NUMB: variants seen among roughly 807,000 people sequenced by gnomAD.
NUMB encodes NUMB endocytic adaptor protein.
A neutral mutation model predicts 59.7 loss-of-function variants in NUMB; 29 were observed. The ratio of observed to expected loss-of-function variants is 0.49; its 90% confidence interval spans 0.36 to 0.66. The LOEUF (loss-of-function observed/expected upper bound fraction) is 0.66, where lower values mean the gene tolerates loss of function less well. Among genes scored for constraint, NUMB ranks in the 30% least tolerant of loss-of-function variants. NUMB has a pLI of 0.00. For missense variants in NUMB, 723 were observed against 822.0 expected, an observed-to-expected ratio of 0.88 and a Z score of 1.47; for synonymous variants, 288 against 288.2, an observed-to-expected ratio of 1.00 and a Z score of 0.01.
intron 2 of NUMB, among the ~76,000 whole-genome samples, chr14:73,402,586 TATA>T (rs1292866886): frequency 6.6e-6 from 1 of 152,162 alleles, no homozygotes; most frequent in East Asian, 1.9e-4. Context: ...ACCAAACAAT[TATA>T]ATAATAATAT....
intron 1 of NUMB, among the ~76,000 whole-genome samples, chr14:73,445,388 A>C (rs1425133154): frequency 4.5e-5 from 6 of 132,686 alleles, no homozygotes; most frequent in Non-Finnish European, 8.2e-5. Flanking sequence ...AAAAAAAAAA[A>C]AAAAAAAACT....
At chr14:73,375,304 A>C (rs8015443) in intron 2 of NUMB, among the ~76,000 whole-genome samples, 123,163 of 152,114 alleles carry the variant, frequency 0.81, 50,586 homozygotes, top group African/African-American at 0.95. Flanking sequence ...CTATTAAGAG[A>C]CTTATGTTTA....
intron 2 of NUMB, among the ~76,000 whole-genome samples, chr14:73,378,919 G>GC (rs1488823460): frequency 6.6e-6 from 1 of 152,206 alleles, no homozygotes; most frequent in Non-Finnish European, 1.5e-5. Context: ...AAAGATGTGT[G>GC]CTGGAAGTTG....
intron 3 of NUMB, among the ~76,000 whole-genome samples, chr14:73,357,400 C>CA (rs199955256): frequency 0.38 from 51,307 of 133,402 alleles, 10,375 homozygotes; most frequent in East Asian, 0.58. Flanking sequence ...GAAACTCTGT[C>CA]AAAAAAAAAA....
At chr14:73,392,389 A>C (rs1021620300) in intron 2 of NUMB, among the ~76,000 whole-genome samples, 5 of 152,238 alleles carry the variant, frequency 3.3e-5, no homozygotes, top group Non-Finnish European at 7.3e-5. Context: ...GTTGAATGCA[A>C]AGGCTCTAAT....
intron 1 of NUMB, among the ~76,000 whole-genome samples, chr14:73,455,963 A>C (rs541103510): frequency 1.3e-5 from 2 of 152,318 alleles, no homozygotes; most frequent in East Asian, 3.9e-4. Context: ...TCTGCCTCAG[A>C]TTCCCTTAAG....
intron 1 of NUMB, among the ~76,000 whole-genome samples, chr14:73,445,381 A>AAAAAAAAAAAAAAAAAAAAAAAAAAC (rs1206147366): frequency 1.5e-5 from 2 of 129,788 alleles, no homozygotes; most frequent in Non-Finnish European, 3.3e-5. Context: ...AAAAAAAAAA[A>AAAAAAAAAAAAAAAAAAAAAAAAAAC]AAAAAAAAAA....
At chr14:73,287,071 A>G in intron 9 of NUMB, 39 bp downstream of exon 9, 1 of 1,586,948 alleles carries the variant, frequency 6.3e-7, no homozygotes, top group South Asian at 1.1e-5. Flanking sequence ...GTTGGGAAAA[A>G]CTGCATTCCA....
intron 4 of NUMB, among the ~76,000 whole-genome samples, chr14:73,339,570 T>C (rs1372965453): frequency 1.3e-5 from 2 of 152,202 alleles, no homozygotes; most frequent in Admixed American, 6.5e-5. Context: ...TTTTTGGTTT[T>C]AAATAGACAT....
At chr14:73,283,563 T>G (rs1289415928) in intron 10 of NUMB, among the ~76,000 whole-genome samples, 1 of 152,230 alleles carries the variant, frequency 6.6e-6, no homozygotes, top group African/African-American at 2.4e-5. Context: ...TGAATACTTG[T>G]GAACAAGTCC....
At chr14:73,417,402 C>A (rs1595014360) in intron 1 of NUMB, among the ~76,000 whole-genome samples, 1 of 137,644 alleles carries the variant, frequency 7.3e-6, no homozygotes, top group Non-Finnish European at 1.5e-5. Context: ...TCTGCATGTT[C>A]CCCCTCCTGT....
chr14:73,276,537 C>G lies in NUMB; in HGVS notation c.*41G>C. Reference sequence around the variant, plus strand: ...GCTCCTTTGACCGCTACCCCCTGCTCCCTGTCTGGTATGGACAAGATACAT... The same window carrying G: ...GCTCCTTTGACCGCTACCCCCTGCTGCCTGTCTGGTATGGACAAGATACAT... On this transcript the variant is annotated 3_prime_UTR_variant, in exon 13 of 13. Transcript: ENST00000555238. 1 of 1,517,554 alleles carries G rather than the reference C, an allele frequency of 6.6e-7. No homozygotes were observed. The highest frequency in any genetic ancestry group is 1.2e-5 in the South Asian group (1 of 83,362). The allele number at this position is 1,517,554 out of a possible 1,614,324, so 94.0% of individuals were successfully genotyped here.
chr14:73,384,470 G>A (rs551161046), intron 2 of NUMB, among the ~76,000 whole-genome samples: 4 of 152,160 alleles, frequency 2.6e-5, no homozygotes, highest in African/African-American at 9.7e-5. Context: ...GAAAAGTGCA[G>A]TCTATGAAGA....
chr14:73,397,532 T>C (rs1896194713), intron 2 of NUMB, among the ~76,000 whole-genome samples: 1 of 152,164 alleles, frequency 6.6e-6, no homozygotes, highest in African/African-American at 2.4e-5. Context: ...GGTGAGATAG[T>C]GCTAGCTGGT....
chr14:73,347,421 T>C (rs949631615), intron 4 of NUMB, among the ~76,000 whole-genome samples: 1 of 152,000 alleles, frequency 6.6e-6, no homozygotes, highest in African/African-American at 2.4e-5. Context: ...ACCACCAAAG[T>C]TTCCTTATGC....
At chr14:73,428,289 C>T (rs1463924677) in intron 1 of NUMB, among the ~76,000 whole-genome samples, 1 of 152,138 alleles carries the variant, frequency 6.6e-6, no homozygotes, top group Non-Finnish European at 1.5e-5. Flanking sequence ...CCTACCTAGG[C>T]TTTGGGTCCT....
At chr14:73,350,866 T>G (rs1416590659) in intron 4 of NUMB, among the ~76,000 whole-genome samples, 2 of 152,140 alleles carry the variant, frequency 1.3e-5, no homozygotes. Flanking sequence ...TTTATTTCAT[T>G]TCTCTTCATC....
chr14:73,446,931 G>A (rs1306546997), intron 1 of NUMB, among the ~76,000 whole-genome samples: 1 of 152,130 alleles, frequency 6.6e-6, no homozygotes, highest in African/African-American at 2.4e-5. Flanking sequence ...GCTCACGCCT[G>A]TAATCCCAGC....
intron 6 of NUMB, among the ~76,000 whole-genome samples, chr14:73,315,150 AG>A (rs1891019995): frequency 6.6e-6 from 1 of 152,202 alleles, no homozygotes; most frequent in African/African-American, 2.4e-5. Flanking sequence ...TAAGGTGACA[AG>A]TTAGAACAAG....
Sources: gnomAD v4.1 joint callset for allele counts (sites outside exome capture counted in the v4.1 genomes callset) on GRCh38, gnomAD v4.1.1 for gene constraint, MANE v1.5 for transcripts, NCBI Gene and HGNC (gene_info 2026-07-23, HGNC 2026-07-21) for gene names.